Variants in TRIM44 observed in about 807,000 individuals in gnomAD.
TRIM44 encodes the protein tripartite motif-containing protein 44.
In TRIM44, 13 loss-of-function variants were observed where a neutral mutation model predicts 37.4. That is an observed-to-expected ratio of 0.35 (90% CI 0.23 to 0.55). The LOEUF is 0.55. TRIM44 is among the 20% of genes least tolerant of loss of function. The pLI is 0.89. For missense variants in TRIM44, 426 were observed against 437.2 expected, an observed-to-expected ratio of 0.97 and a Z score of 0.23; for synonymous variants, 175 against 157.2, an observed-to-expected ratio of 1.11 and a Z score of -0.85.
At chr11:35,769,229 GA>G (rs1852835614) in intron 4 of TRIM44, among the ~76,000 whole-genome samples, 1 of 152,152 alleles carries the variant, frequency 6.6e-6, no homozygotes, top group Admixed American at 6.6e-5. Context: ...TTTGGCTATG[GA>G]GTAAAACCCA....
intron 4 of TRIM44, among the ~76,000 whole-genome samples, chr11:35,784,205 A>T (rs547950783): frequency 6.6e-6 from 1 of 152,358 alleles, no homozygotes; most frequent in East Asian, 1.9e-4. Context: ...TTGAAACAAT[A>T]TGTAGGCCAG....
At chr11:35,750,128 T>C (rs2135529247) in intron 4 of TRIM44, among the ~76,000 whole-genome samples, 1 of 152,352 alleles carries the variant, frequency 6.6e-6, no homozygotes, top group East Asian at 1.9e-4. Context: ...TTCTATAAAA[T>C]TCATTCCTTT....
chr11:35,739,115 T>A (rs1341622983), intron 4 of TRIM44, among the ~76,000 whole-genome samples: 1 of 152,230 alleles, frequency 6.6e-6, no homozygotes, highest in Admixed American at 6.5e-5. Context: ...GTCTGTTCCT[T>A]GCCCTAAATT....
chr11:35,725,156 C>G (rs907858151), intron 2 of TRIM44, among the ~76,000 whole-genome samples: 23 of 151,748 alleles, frequency 1.5e-4, no homozygotes, highest in Non-Finnish European at 3.1e-4. Flanking sequence ...TGAAGTTGAT[C>G]TGTATGCACA....
In TRIM44 at chr11:35,814,937, C is replaced by T. The variant is rs900986067; in HGVS notation, c.*8552C>T. 1.3e-4 allele frequency: 20 copies of T among 152,172 alleles called. No homozygotes were observed. The highest frequency in any genetic ancestry group is 4.1e-4 in the African/African-American group (17 of 41,532). 9.4% of individuals were successfully genotyped at this position (152,172 alleles called of 1,614,324 possible). A position where few individuals can be genotyped will look rare whatever the true frequency, so the allele number is the denominator to read the frequency against. ...CCCAATGATAATGCCTGGCTCGGAC[C>T]CCAGATTCACATCATACTTGAAGTT... is the stretch of plus-strand genomic sequence containing the variant. On this transcript the variant is annotated 3_prime_UTR_variant, in exon 5 of 5. Coordinates refer to ENST00000299413, the MANE Select transcript of TRIM44 (RefSeq NM_017583.6).
intron 4 of TRIM44, among the ~76,000 whole-genome samples, chr11:35,780,541 T>C: frequency 6.6e-6 from 1 of 152,218 alleles, no homozygotes; most frequent in Non-Finnish European, 1.5e-5. Context: ...AACTAACAGA[T>C]ATTGTATGCT....
At chr11:35,705,949 T>G (rs1851873171) in intron 2 of TRIM44, among the ~76,000 whole-genome samples, 1 of 148,642 alleles carries the variant, frequency 6.7e-6, no homozygotes, top group Admixed American at 6.8e-5. Context: ...CAAAAAAACC[T>G]TCAAAAAATT....
intron 1 of TRIM44, among the ~76,000 whole-genome samples, chr11:35,676,384 C>T (rs1361754055): frequency 6.6e-6 from 1 of 152,192 alleles, no homozygotes; most frequent in Non-Finnish European, 1.5e-5. Flanking sequence ...GTTCATCCCC[C>T]TCTCCTTCTG....
rs1463334975 is a variant in TRIM44, at chr11:35,690,537, G to A, written c.747+5201G>A. Among the ~76,000 whole-genome samples, 6 of 152,274 alleles carry A rather than the reference G, an allele frequency of 3.9e-5. No individual in the cohort carries two copies. In the East Asian group the frequency reaches 1.2e-3, roughly 29 times the overall value. On this transcript the variant is annotated intron_variant, in intron 2 of 4. Coordinates refer to ENST00000299413, the MANE Select transcript of TRIM44 (RefSeq NM_017583.6). ...GTGCCAAAAAAGAAGTATTCACTGG[G>A]GCACTGTTTATTCAACCAGCTGAAG...
chr11:35,716,658 T>C (rs1474232655), intron 2 of TRIM44, among the ~76,000 whole-genome samples: 1 of 152,154 alleles, frequency 6.6e-6, no homozygotes, highest in Non-Finnish European at 1.5e-5. Flanking sequence ...AGACCTATTA[T>C]CTGGTGGAGA....
At chr11:35,717,114 G>A (rs1199291637) in intron 2 of TRIM44, among the ~76,000 whole-genome samples, 1 of 152,196 alleles carries the variant, frequency 6.6e-6, no homozygotes, top group South Asian at 2.1e-4. Context: ...GCAACTGTGA[G>A]ACTGATTTCC....
chr11:35,702,363 C>T (rs77777954), intron 2 of TRIM44, among the ~76,000 whole-genome samples: 1,612 of 152,326 alleles, frequency 0.011, 30 homozygotes, highest in African/African-American at 0.037. Flanking sequence ...CCCACGCCAG[C>T]TTGTGTGGCT....
At chr11:35,751,573 T>G (rs1453995347) in intron 4 of TRIM44, among the ~76,000 whole-genome samples, 1 of 152,222 alleles carries the variant, frequency 6.6e-6, no homozygotes, top group Non-Finnish European at 1.5e-5. Context: ...TACTATGTAT[T>G]AAGAATCAAG....
intron 4 of TRIM44, among the ~76,000 whole-genome samples, chr11:35,791,001 A>G (rs1406754159): frequency 2.0e-5 from 3 of 152,176 alleles, no homozygotes; most frequent in African/African-American, 7.2e-5. Context: ...TGCTTGAGTT[A>G]TTAACTAGGC....
intron 4 of TRIM44, among the ~76,000 whole-genome samples, chr11:35,804,461 G>A (rs552399425): frequency 6.6e-6 from 1 of 152,284 alleles, no homozygotes; most frequent in South Asian, 2.1e-4. Context: ...ATTTCATTAG[G>A]TCCATGAACG....
chr11:35,686,619 T>C (rs536836559), intron 2 of TRIM44, among the ~76,000 whole-genome samples: 2 of 152,258 alleles, frequency 1.3e-5, no homozygotes, highest in South Asian at 4.2e-4. Context: ...TGCAGTGGCA[T>C]GATCTCGGCT....
chr11:35,692,714 GGA>G (rs1851651128), intron 2 of TRIM44, among the ~76,000 whole-genome samples: 1 of 152,148 alleles, frequency 6.6e-6, no homozygotes, highest in Non-Finnish European at 1.5e-5. Context: ...CATGAGGTCA[GGA>G]GATCGGGACC....
intron 2 of TRIM44, among the ~76,000 whole-genome samples, chr11:35,714,561 T>C (rs1188672299): frequency 6.6e-6 from 1 of 152,158 alleles, no homozygotes; most frequent in East Asian, 1.9e-4. Flanking sequence ...TGCAGTTGTT[T>C]TGGTGTTGTG....
chr11:35,712,362 AAC>A (rs1360811622), intron 2 of TRIM44, among the ~76,000 whole-genome samples: 5 of 152,192 alleles, frequency 3.3e-5, no homozygotes, highest in African/African-American at 1.2e-4. Flanking sequence ...TTATTTAAGA[AAC>A]ACATTAGGAA....
Sources: gnomAD v4.1 joint callset for allele counts (sites outside exome capture counted in the v4.1 genomes callset) on GRCh38, gnomAD v4.1.1 for gene constraint, MANE v1.5 for transcripts, NCBI Gene and HGNC (gene_info 2026-07-23, HGNC 2026-07-21) for gene names.